Variants in CYP4F3 observed in about 807,000 individuals in gnomAD.
CYP4F3 encodes the protein cytochrome P450 4F3.
CYP4F3 carries 50 observed loss-of-function variants against 54.8 expected under a neutral mutation model. That is an observed-to-expected ratio of 0.91 (90% CI 0.73 to 1.16). The LOEUF is 1.16. Ranked by LOEUF, CYP4F3 falls within the 50% of genes most tolerant of loss-of-function variation. CYP4F3 has a pLI of 0.00. For missense variants in CYP4F3, 715 were observed against 676.2 expected (o/e 1.06, Z -0.64); for synonymous variants, 244 against 262.6 (o/e 0.93, Z 0.69).
chr19:15,655,257 A>T (rs1045057434), intron 9 of CYP4F3, among the ~76,000 whole-genome samples: 1 of 152,158 alleles, frequency 6.6e-6, no homozygotes, highest in African/African-American at 2.4e-5. Context: ...TGAGCTGCTT[A>T]TGTATTCTGG....
chr19:15,660,741 G>C lies in CYP4F3; in HGVS notation c.*1356G>C, dbSNP rs910651073. ...CTAATTTTTTTTTTTTTTTGAGATG[G>C]AGTCTCGCTCTGTTGCCCAGGCTGG... On this transcript the variant is annotated 3_prime_UTR_variant, in exon 13 of 13. Coordinates refer to ENST00000221307, the MANE Select transcript of CYP4F3 (RefSeq NM_000896.3). 3.5e-5 allele frequency: 5 copies of C among 143,242 alleles called. No homozygotes were observed. The highest frequency in any genetic ancestry group is 1.3e-4 in the African/African-American group (5 of 37,548). 8.9% of individuals were successfully genotyped at this position (143,242 alleles called of 1,614,324 possible).
intron 12 of CYP4F3, 143 bp downstream of exon 12, chr19:15,658,952 C>T (rs1973112292): frequency 2.3e-5 from 29 of 1,283,434 alleles, no homozygotes; most frequent in East Asian, 1.7e-4. Context: ...TGGGAAAAGG[C>T]CCACAGAGTA....
intron 6 of CYP4F3, 25 bp from the exon 7 acceptor site, chr19:15,649,888 C>T: frequency 1.9e-6 from 3 of 1,609,332 alleles, no homozygotes; most frequent in Non-Finnish European, 2.6e-6. Context: ...AAATTGTTGC[C>T]TCCCTTTCTG....
chr19:15,657,574 C>G (rs547965471), intron 9 of CYP4F3, among the ~76,000 whole-genome samples: 9 of 152,274 alleles, frequency 5.9e-5, no homozygotes, highest in African/African-American at 2.2e-4. Context: ...CAGGCATGAG[C>G]CACCATACAA....
intron 2 of CYP4F3, among the ~76,000 whole-genome samples, chr19:15,644,657 C>T (rs1568392685): frequency 6.6e-6 from 1 of 152,204 alleles, no homozygotes; most frequent in Non-Finnish European, 1.5e-5. Flanking sequence ...TGGTGTGGGT[C>T]AAGTCCTTTT....
Position 15,660,409 on chromosome 19 carries a change from A to G in CYP4F3, c.*1024A>G, listed in dbSNP as rs574486380. 9.2e-5 allele frequency: 14 copies of G among 152,104 alleles called. No homozygotes were observed. The highest frequency in any genetic ancestry group is 2.0e-4 in the Admixed American group (3 of 15,272). 9.4% of individuals were successfully genotyped at this position (152,104 alleles called of 1,614,324 possible). A position where few individuals can be genotyped will look rare whatever the true frequency, so the allele number is the denominator to read the frequency against. On this transcript the variant is annotated 3_prime_UTR_variant, in exon 13 of 13. Coordinates refer to ENST00000221307, the MANE Select transcript of CYP4F3 (RefSeq NM_000896.3). ...TTTCTAGAACAGGCATGCCCTGCAAACTCCACAGACACTGACTGTTTTTGT... is the reference window on the plus strand; with the variant it reads ...TTTCTAGAACAGGCATGCCCTGCAAGCTCCACAGACACTGACTGTTTTTGT...
chr19:15,649,792 G>T, intron 6 of CYP4F3, 121 bp from the exon 7 acceptor site: 1 of 1,392,220 alleles, frequency 7.2e-7, no homozygotes, highest in Admixed American at 2.1e-5. Flanking sequence ...CATCTGAGGG[G>T]CCATCTGTTC....
intron 7 of CYP4F3, 123 bp downstream of exon 7, chr19:15,650,306 A>AG (rs1292968921): frequency 1.3e-6 from 2 of 1,584,510 alleles, no homozygotes; most frequent in Non-Finnish European, 1.7e-6. Flanking sequence ...TGAGGAAGGG[A>AG]GGGACAGGTC....
rs749012362 is a variant in CYP4F3, at chr19:15,659,427, G to A, written c.*42G>A. ...CTCTGACCCCACTAAAATGACCCCT[G>A]ATTCATCAAAAGTGAGGCCTAGAAT... On this transcript the variant is annotated 3_prime_UTR_variant, in exon 13 of 13. Transcript: ENST00000221307. 1.3e-6 allele frequency: 2 copies of A among 1,597,956 alleles called. No homozygotes were observed. The highest frequency in any genetic ancestry group is 1.7e-6 in the Non-Finnish European group (2 of 1,171,968).
intron 2 of CYP4F3, chr19:15,644,080 G>A: frequency 1.3e-6 from 2 of 1,527,474 alleles, no homozygotes; most frequent in Non-Finnish European, 1.8e-6. Context: ...GGTGGTGGGT[G>A]CTATGGTGCA....
chr19:15,650,642 C>T (rs1972767616), intron 7 of CYP4F3, among the ~76,000 whole-genome samples: 2 of 133,130 alleles, frequency 1.5e-5, no homozygotes, highest in African/African-American at 3.0e-5. Flanking sequence ...TTGTGCTCTC[C>T]CTCCCTCCCT....
At chr19:15,649,068 T>C in intron 5 of CYP4F3, 92 bp from the exon 6 acceptor site, 2 of 1,562,064 alleles carry the variant, frequency 1.3e-6, no homozygotes, top group South Asian at 2.3e-5. Flanking sequence ...ATGAAGAGGC[T>C]TATTCTGGGG....
Position 15,658,343 on chromosome 19 carries a change from T to C in CYP4F3, c.1195T>C (p.Ser399Pro). Residue 399 changes from serine (S) to proline (P), a missense_variant, in exon 10 of 13, where the codon TCT becomes CCT. Physicochemically the swap from Ser to Pro is moderately conservative, Grantham distance 74. Transcript: ENST00000221307. ...LRLHPPVPAVSRCCTQDIVLP... is the reference protein window; with the variant it reads ...LRLHPPVPAVPRCCTQDIVLP... Reference sequence around the variant, plus strand: ...GCTGCATCCCCCAGTCCCTGCCGTCTCTCGCTGCTGCACCCAAGACATTGT... The same window carrying C: ...GCTGCATCCCCCAGTCCCTGCCGTCCCTCGCTGCTGCACCCAAGACATTGT... 3 of 1,614,120 alleles carry C rather than the reference T, an allele frequency of 1.9e-6. No individual in the cohort carries two copies. Among genetic ancestry groups the C allele is most frequent in the Non-Finnish European group, 1.7e-6 (2 of 1,180,022 alleles).
At chr19:15,653,735 G>GGAGAGAGAGAGAGAGAGA (rs60874509) in intron 9 of CYP4F3, among the ~76,000 whole-genome samples, 2 of 111,698 alleles carry the variant, frequency 1.8e-5, no homozygotes, top group African/African-American at 6.8e-5. Flanking sequence ...AAGAGAGAGA[G>GGAGAGAGAGAGAGAGAGA]GAGAGAGAGA....
At chr19:15,645,253 T>C (rs1205654584) in intron 2 of CYP4F3, among the ~76,000 whole-genome samples, 1 of 152,130 alleles carries the variant, frequency 6.6e-6, no homozygotes, top group Non-Finnish European at 1.5e-5. Context: ...ACCAGATCAA[T>C]TTTTCACCCA....
intron 2 of CYP4F3, among the ~76,000 whole-genome samples, chr19:15,642,905 GAT>G (rs1315752807): frequency 2.0e-5 from 3 of 152,034 alleles, no homozygotes; most frequent in African/African-American, 7.3e-5. Flanking sequence ...TGGATGGATG[GAT>G]GGATGGATGG....
chr19:15,647,099 T>C lies in CYP4F3; in HGVS notation c.391T>C (p.Trp131Arg), dbSNP rs774119842. The C allele has an allele frequency of 6.8e-6, 11 of 1,613,860 alleles. No individual in the cohort carries two copies. The highest frequency in any genetic ancestry group is 9.3e-6 in the Non-Finnish European group (11 of 1,180,006). ...DKVFYSFLKP[W>R]LGDGLLLSAG... is the part of the protein sequence containing the mutation. ...GGTCTTCTACAGCTTCCTGAAGCCC[T>C]GGCTGGGTGAGTATCTGTAGGTGAA... Residue 131 changes from tryptophan to arginine, a missense_variant, in exon 4 of 13, where the codon TGG (tryptophan) becomes CGG (arginine). By Grantham distance (101) the Trp-to-Arg change is moderately radical (BLOSUM62 -3). Coordinates refer to ENST00000221307, the MANE Select transcript of CYP4F3 (RefSeq NM_000896.3).
In CYP4F3 at chr19:15,659,597, C is replaced by T; in HGVS notation, c.*212C>T. On this transcript the variant is annotated 3_prime_UTR_variant, in exon 13 of 13. Coordinates refer to ENST00000221307, the MANE Select transcript of CYP4F3 (RefSeq NM_000896.3). The stretch of plus-strand genomic sequence containing the variant: ...CAGTAGCCAAACGATGAAAACAACC[C>T]CAAGCTATATATTACCAGATGAAAG... The T allele has an allele frequency of 1.2e-6, 1 of 840,450 alleles. No individual in the cohort carries two copies. Among genetic ancestry groups the T allele is most frequent in the Non-Finnish European group, 1.8e-6 (1 of 560,128 alleles). The allele number at this position is 840,450 out of a possible 1,614,324, so 52.1% of individuals were successfully genotyped here.
Position 15,647,125 on chromosome 19 carries a change from C to T in CYP4F3, c.397+20C>T. The T allele has an allele frequency of 6.2e-7, 1 of 1,614,080 alleles. No individual in the cohort carries two copies. The highest frequency in any genetic ancestry group is 8.5e-7 in the Non-Finnish European group (1 of 1,180,012). ...GGCTGGGTGAGTATCTGTAGGTGAA[C>T]AGGGTTGGGAACAACCTGGGGGGCC... On this transcript the variant is annotated intron_variant, in intron 4 of 12. Coordinates refer to ENST00000221307, the MANE Select transcript of CYP4F3 (RefSeq NM_000896.3).
Sources: gnomAD v4.1 joint callset for allele counts (sites outside exome capture counted in the v4.1 genomes callset) on GRCh38, gnomAD v4.1.1 for gene constraint, MANE v1.5 for transcripts, NCBI Gene and HGNC (gene_info 2026-07-23, HGNC 2026-07-21) for gene names.